Variants in HYCC2 observed in about 807,000 individuals in gnomAD.
HYCC2 encodes the protein hyccin PI4KA lipid kinase complex subunit 2.
At chr2:201,035,757 T>C in the HYCC2 span, among the ~76,000 whole-genome samples, 3 of 152,208 alleles carry the variant, frequency 2.0e-5, no homozygotes, top group African/African-American at 4.8e-5. Context: ...TCTTTGATGA[T>C]GGTGACGTTC....
At chr2:201,061,188 G>C in the HYCC2 span, 5 of 151,450 alleles carry the variant, frequency 3.3e-5, no homozygotes, top group African/African-American at 9.7e-5. Flanking sequence ...CGTAATCCCA[G>C]CACTTTGGGA....
the HYCC2 span, among the ~76,000 whole-genome samples, chr2:201,010,871 G>C: frequency 6.6e-6 from 1 of 151,870 alleles, no homozygotes; most frequent in African/African-American, 2.4e-5. Context: ...GTAGAGTCAG[G>C]CGTGGTGGCT....
At chr2:200,994,770 G>A in the HYCC2 span, among the ~76,000 whole-genome samples, 1 of 151,868 alleles carries the variant, frequency 6.6e-6, no homozygotes, top group African/African-American at 2.4e-5. Flanking sequence ...GGAGACCAAG[G>A]TAGGAAGATC....
the HYCC2 span, among the ~76,000 whole-genome samples, chr2:201,019,884 G>A: frequency 6.6e-6 from 1 of 152,106 alleles, no homozygotes; most frequent in South Asian, 2.1e-4. Context: ...GAGCCCAGGA[G>A]TTCAAGGCCA....
chr2:201,015,792 T>C, the HYCC2 span, among the ~76,000 whole-genome samples: 2 of 152,190 alleles, frequency 1.3e-5, no homozygotes, highest in African/African-American at 2.4e-5. Context: ...TTCCAGGACG[T>C]GACTTGACTC....
At chr2:201,058,253 C>T in the HYCC2 span, among the ~76,000 whole-genome samples, 8 of 152,158 alleles carry the variant, frequency 5.3e-5, no homozygotes, top group African/African-American at 1.9e-4. Context: ...CGTCCACAGA[C>T]CCCCAGGGAT....
chr2:201,000,469 G>A, the HYCC2 span, among the ~76,000 whole-genome samples: 147,840 of 152,294 alleles, frequency 0.97, 71,918 homozygotes, highest in East Asian at 1. Context: ...GATAAAGTTG[G>A]CTACATAAAA....
the HYCC2 span, chr2:200,977,828 G>C: frequency 6.6e-6 from 1 of 152,326 alleles, no homozygotes; most frequent in South Asian, 2.1e-4. Flanking sequence ...CTCTAGCCTA[G>C]AGGACAGAGT....
chr2:201,056,426 G>A, the HYCC2 span, among the ~76,000 whole-genome samples: 2 of 152,078 alleles, frequency 1.3e-5, no homozygotes, highest in African/African-American at 2.4e-5. Flanking sequence ...TGTAATCCTA[G>A]CACTTTGCGA....
the HYCC2 span, chr2:201,023,047 ATAAT>A: frequency 1.5e-6 from 1 of 679,138 alleles, no homozygotes; most frequent in South Asian, 2.1e-5. Flanking sequence ...AAAAGTAAAA[ATAAT>A]TAATATAAAG....
chr2:201,043,450 G>GA, the HYCC2 span, among the ~76,000 whole-genome samples: 1 of 136,162 alleles, frequency 7.3e-6, no homozygotes, highest in Non-Finnish European at 1.6e-5. Flanking sequence ...AAAAAAAAAA[G>GA]AAAGAAAAAT....
At chr2:201,069,694 G>A in the HYCC2 span, among the ~76,000 whole-genome samples, 136 of 152,050 alleles carry the variant, frequency 8.9e-4, no homozygotes, top group African/African-American at 3.2e-3. Flanking sequence ...TTTTCTTTGT[G>A]ACTGAGATTG....
At chr2:201,041,065 G>A in the HYCC2 span, among the ~76,000 whole-genome samples, 1 of 152,052 alleles carries the variant, frequency 6.6e-6, no homozygotes, top group Admixed American at 6.6e-5. Context: ...GGGAATAGCG[G>A]TACCTACTTC....
chr2:201,024,028 CCT>C, the HYCC2 span: 7 of 1,601,188 alleles, frequency 4.4e-6, no homozygotes, highest in Non-Finnish European at 6.0e-6. Context: ...ACCTTCTACT[CCT>C]CTTTTATCTC....
chr2:201,027,712 A>T, the HYCC2 span, among the ~76,000 whole-genome samples: 16 of 152,156 alleles, frequency 1.1e-4, no homozygotes, highest in Non-Finnish European at 2.1e-4. Context: ...AAAGACAAAA[A>T]CCACATGATT....
the HYCC2 span, among the ~76,000 whole-genome samples, chr2:200,984,265 C>T: frequency 2.0e-5 from 3 of 152,112 alleles, no homozygotes; most frequent in South Asian, 6.2e-4. Context: ...GTGTCAAACT[C>T]CTGGGCTTAA....
the HYCC2 span, among the ~76,000 whole-genome samples, chr2:201,036,466 C>G: frequency 7.1e-3 from 1,087 of 152,290 alleles, 15 homozygotes; most frequent in African/African-American, 0.025. Flanking sequence ...ACCAATATCC[C>G]TGATGTGAAC....
chr2:200,976,389 T>C, the HYCC2 span: 1 of 152,302 alleles, frequency 6.6e-6, no homozygotes, highest in African/African-American at 2.4e-5. Flanking sequence ...GGACAGATAT[T>C]CCTTGCCAGT....
At chr2:201,038,858 A>G in the HYCC2 span, among the ~76,000 whole-genome samples, 4 of 152,092 alleles carry the variant, frequency 2.6e-5, no homozygotes, top group Non-Finnish European at 4.4e-5. Context: ...ACAAACCTGC[A>G]TGTTGTGCAC....
Sources: allele counts gnomAD v4.1 joint callset (sites outside exome capture counted in the v4.1 genomes callset), GRCh38; gene constraint gnomAD v4.1.1; transcripts MANE v1.5; gene names NCBI Gene and HGNC (gene_info 2026-07-23, HGNC 2026-07-21).